The following BCL2L11 variants were observed in gnomAD, a reference collection of about 807,000 sequenced individuals.
BCL2L11 encodes BCL2 like 11.
In BCL2L11, 15 loss-of-function variants were observed where a neutral mutation model predicts 20.6. The observed-to-expected ratio is 0.73, with a 90% CI of 0.49 to 1.12. The LOEUF (loss-of-function observed/expected upper bound fraction) is 1.12, where lower values mean the gene tolerates loss of function less well. Among genes scored for constraint, BCL2L11 ranks in the 50% most tolerant of loss-of-function variants. The probability of loss-of-function intolerance (pLI) is 0.00; values close to 1 mark genes in which losing one functional copy is unlikely to be tolerated. For synonymous variants in BCL2L11, 108 were observed against 92.8 expected, an observed-to-expected ratio of 1.16 and a Z score of -0.94; for missense variants, 292 against 260.9, an observed-to-expected ratio of 1.12 and a Z score of -0.82.
intron 2 of BCL2L11, among the ~76,000 whole-genome samples, chr2:111,149,827 A>C (rs2077027410): frequency 6.6e-6 from 1 of 152,250 alleles, no homozygotes; most frequent in African/African-American, 2.4e-5. Flanking sequence ...TTAAAAAAGG[A>C]AATTTTATTC....
chr2:111,124,417 A>G (rs184689289), intron 2 of BCL2L11, among the ~76,000 whole-genome samples: 67 of 152,108 alleles, frequency 4.4e-4, no homozygotes, highest in African/African-American at 1.4e-3. Context: ...CAGCCTCCAG[A>G]GTAGCTGGGA....
In BCL2L11 at chr2:111,165,860, TATTTAA is replaced by T. The variant is rs2078996409; in HGVS notation, c.*1633_*1638del. On this transcript the variant is annotated 3_prime_UTR_variant, in exon 4 of 4. Coordinates refer to ENST00000393256, the MANE Select transcript of BCL2L11 (RefSeq NM_138621.5). The stretch of plus-strand genomic sequence containing the variant: ...GATAGAAGAGCCAGCATGTTCACGT[TATTTAA>T]ATTAGGTGGAAAAATCTAAACATTT... 1 of 152,236 alleles carries T rather than the reference TATTTAA, an allele frequency of 6.6e-6. No homozygotes were observed. Among genetic ancestry groups the T allele is most frequent in the Admixed American group, 6.5e-5 (1 of 15,286 alleles). The allele number at this position is 152,236 out of a possible 1,614,324, so 9.4% of individuals were successfully genotyped here.
At position 111,164,123 on chromosome 2, in the gene BCL2L11, G is replaced by A; in HGVS notation, c.499-10G>A. ...GGAGAAACTAAGAAGCTTTCCTTTT[G>A]TTGTTTCAGGTATTTTTGAATAATT... is the stretch of plus-strand genomic sequence containing the variant. On this transcript the variant is annotated splice_polypyrimidine_tract_variant and intron_variant, in intron 3 of 3. Transcript: ENST00000393256. 1 of 1,062,960 alleles carries A rather than the reference G, an allele frequency of 9.4e-7. No homozygotes were observed. The highest frequency in any genetic ancestry group is 5.0e-5 in the East Asian group (1 of 20,086). The allele number at this position is 1,062,960 out of a possible 1,614,324, so 65.8% of individuals were successfully genotyped here. A position where few individuals can be genotyped will look rare whatever the true frequency, so the allele number is the denominator to read the frequency against.
intron 1 of BCL2L11, chr2:111,123,039 T>A (rs2071509348): frequency 2.0e-6 from 2 of 980,004 alleles, no homozygotes. Context: ...GGCGTTCGCT[T>A]CGTCGCCCTC....
chr2:111,152,270 G>T (rs1350260415), intron 3 of BCL2L11, among the ~76,000 whole-genome samples: 1 of 152,196 alleles, frequency 6.6e-6, no homozygotes, highest in South Asian at 2.1e-4. Flanking sequence ...CACCCTCGGG[G>T]CAAGATCTGC....
chr2:111,122,419 G>A (rs1392918816), intron 1 of BCL2L11, among the ~76,000 whole-genome samples: 1 of 152,194 alleles, frequency 6.6e-6, no homozygotes, highest in African/African-American at 2.4e-5. Flanking sequence ...AGCGGCAGCC[G>A]CCACGACCAC....
At chr2:111,121,358 C>T (rs1410271923) in intron 1 of BCL2L11, among the ~76,000 whole-genome samples, 170 bp downstream of exon 1, 1 of 152,024 alleles carries the variant, frequency 6.6e-6, no homozygotes, top group African/African-American at 2.4e-5. Flanking sequence ...ATCGGGTTCC[C>T]TCTCGGGCAG....
At chr2:111,127,957 G>A (rs1411722173) in intron 2 of BCL2L11, among the ~76,000 whole-genome samples, 1 of 152,044 alleles carries the variant, frequency 6.6e-6, no homozygotes, top group Non-Finnish European at 1.5e-5. Context: ...TAAACACAAA[G>A]CGTAAAATTT....
chr2:111,137,810 A>T (rs2075166404), intron 2 of BCL2L11, among the ~76,000 whole-genome samples: 1 of 152,008 alleles, frequency 6.6e-6, no homozygotes, highest in Non-Finnish European at 1.5e-5. Flanking sequence ...TGTTAAAAAG[A>T]ATAATGGCAT....
chr2:111,122,980 G>A, intron 1 of BCL2L11: 1 of 985,480 alleles, frequency 1.0e-6, no homozygotes, highest in South Asian at 4.7e-5. Context: ...AAGGCGGCGC[G>A]GCGCGCACCG....
At chr2:111,129,772 T>G (rs532987640) in intron 2 of BCL2L11, among the ~76,000 whole-genome samples, 1 of 152,370 alleles carries the variant, frequency 6.6e-6, no homozygotes, top group East Asian at 1.9e-4. Flanking sequence ...CACAGCCACC[T>G]TTCTGTCTCT....
rs116334927 is a variant in BCL2L11 at position 111,146,823 on chromosome 2, A to G, written c.395-3221A>G. ...AACTACCCTTTTAAAATACAGGAAT[A>G]AATAAGAGTTAAAATAAGAGTTTTT... On this transcript the variant is annotated intron_variant, in intron 2 of 3. Coordinates refer to ENST00000393256, the MANE Select transcript of BCL2L11 (RefSeq NM_138621.5). 2.6e-3 allele frequency among the ~76,000 whole-genome samples: 389 copies of G among 152,332 alleles called. 2 individuals carry two copies. The highest frequency in any genetic ancestry group is 9.1e-3 in the African/African-American group (377 of 41,566).
At chr2:111,128,075 C>T (rs1174635658) in intron 2 of BCL2L11, among the ~76,000 whole-genome samples, 1 of 152,024 alleles carries the variant, frequency 6.6e-6, no homozygotes, top group Non-Finnish European at 1.5e-5. Flanking sequence ...AACAGAAATT[C>T]TGTACTCATT....
chr2:111,123,938 G>T lies in BCL2L11; in HGVS notation c.193G>T (p.Ala65Ser). ...CCACGGCAGCCCTCAGGGCCCGCTG[G>T]CCCCACCTGCCAGCCCTGGCCCTTT... ...CPHGSPQGPLAPPASPGPFAT... is the reference protein window; with the variant it reads ...CPHGSPQGPLSPPASPGPFAT... Residue 65 changes from alanine (A) to serine (S), a missense_variant, in exon 2 of 4, where the codon GCC becomes TCC. Ala to Ser is a moderately conservative substitution (Grantham distance 99). Transcript: ENST00000393256. 1 of 1,614,072 alleles carries T rather than the reference G, an allele frequency of 6.2e-7. No homozygotes were observed. The highest frequency in any genetic ancestry group is 8.5e-7 in the Non-Finnish European group (1 of 1,179,948).
intron 2 of BCL2L11, among the ~76,000 whole-genome samples, chr2:111,133,184 CAT>C (rs1447937770): frequency 6.6e-6 from 1 of 152,140 alleles, no homozygotes; most frequent in Non-Finnish European, 1.5e-5. Flanking sequence ...TTTACTCAAT[CAT>C]AAGCTATAAA....
chr2:111,140,654 C>T (rs112307947), intron 2 of BCL2L11, among the ~76,000 whole-genome samples: 69 of 152,296 alleles, frequency 4.5e-4, no homozygotes, highest in African/African-American at 1.6e-3. Flanking sequence ...TATTTGGTCC[C>T]TTGAGAAAGG....
chr2:111,124,989 G>C (rs1403013877), intron 2 of BCL2L11, among the ~76,000 whole-genome samples: 1 of 152,192 alleles, frequency 6.6e-6, no homozygotes. Context: ...TTTGAACCAA[G>C]AGTGGCTAAC....
In BCL2L11 at chr2:111,165,755, A is replaced by C. The variant is rs893351694; in HGVS notation, c.*1524A>C. 1 of 151,678 alleles carries C rather than the reference A, an allele frequency of 6.6e-6. No homozygotes were observed. Among genetic ancestry groups the C allele is most frequent in the Non-Finnish European group, 1.5e-5 (1 of 67,942 alleles). 9.4% of individuals were successfully genotyped at this position (151,678 alleles called of 1,614,324 possible). A position where few individuals can be genotyped will look rare whatever the true frequency, so the allele number is the denominator to read the frequency against. On this transcript the variant is annotated 3_prime_UTR_variant, in exon 4 of 4. Transcript: ENST00000393256. Reference sequence around the variant, plus strand: ...TCTGTAACTCTTAAAATTTTTGAAAACTCCATCGTTAAACAACTTTTAAAA... The same window carrying C: ...TCTGTAACTCTTAAAATTTTTGAAACCTCCATCGTTAAACAACTTTTAAAA...
chr2:111,124,536 T>A (rs1283157586), intron 2 of BCL2L11, among the ~76,000 whole-genome samples: 2 of 152,200 alleles, frequency 1.3e-5, no homozygotes, highest in Non-Finnish European at 2.9e-5. Flanking sequence ...GTAATCTGCC[T>A]GTCTCAGCCT....
Sources: gnomAD v4.1 joint callset for allele counts (sites outside exome capture counted in the v4.1 genomes callset) on GRCh38, gnomAD v4.1.1 for gene constraint, MANE v1.5 for transcripts, NCBI Gene and HGNC (gene_info 2026-07-23, HGNC 2026-07-21) for gene names.